The following CADM2 variants were observed in gnomAD, a reference collection of about 807,000 sequenced individuals.
The protein encoded by CADM2 is cell adhesion molecule 2, also known as immunoglobulin superfamily member 4D.
Under a neutral mutation model 49.8 loss-of-function variants are expected in CADM2, and 12 were observed. The ratio of observed to expected loss-of-function variants is 0.24; its 90% CI spans 0.15 to 0.39. CADM2 has a LOEUF of 0.39. Ranked by LOEUF, CADM2 falls within the 10% of genes least tolerant of loss-of-function variation. CADM2 has a pLI of 1.00. For synonymous variants in CADM2, 214 were observed against 175.4 expected, an observed-to-expected ratio of 1.22 and a Z score of -1.74; for missense variants, 378 against 492.3, an observed-to-expected ratio of 0.77 and a Z score of 2.20.
chr3:85,274,937 G>A (rs1343270010), intron 1 of CADM2, among the ~76,000 whole-genome samples: 6 of 151,124 alleles, frequency 4.0e-5, no homozygotes, highest in African/African-American at 9.7e-5. Flanking sequence ...GTGTGTACAC[G>A]AGAGTCAAAG....
At chr3:85,288,376 C>T (rs907004879) in intron 1 of CADM2, among the ~76,000 whole-genome samples, 2 of 151,870 alleles carry the variant, frequency 1.3e-5, no homozygotes, top group Non-Finnish European at 2.9e-5. Context: ...TGTATTATTT[C>T]CATGGATGAT....
intron 1 of CADM2, among the ~76,000 whole-genome samples, chr3:85,391,933 T>G (rs1039208468): frequency 6.6e-6 from 1 of 152,080 alleles, no homozygotes; most frequent in African/African-American, 2.4e-5. Flanking sequence ...ACTGTGAATT[T>G]GAGAAAAGAC....
At chr3:85,222,569 C>A (rs2042066626) in intron 1 of CADM2, among the ~76,000 whole-genome samples, 1 of 152,102 alleles carries the variant, frequency 6.6e-6, no homozygotes. Context: ...TATATTTTCC[C>A]TGATAATCTG....
At chr3:85,852,218 T>C (rs1274694848) in intron 3 of CADM2, among the ~76,000 whole-genome samples, 3 of 152,144 alleles carry the variant, frequency 2.0e-5, no homozygotes, top group Non-Finnish European at 4.4e-5. Flanking sequence ...TCTACACTGC[T>C]TTCTTGGAAA....
chr3:86,017,505 C>T (rs1732434875), intron 8 of CADM2, among the ~76,000 whole-genome samples: 1 of 151,950 alleles, frequency 6.6e-6, no homozygotes, highest in African/African-American at 2.4e-5. Flanking sequence ...CCAAGACCCG[C>T]AGATCGCTTG....
At chr3:85,409,282 C>T (rs1200097394) in intron 1 of CADM2, among the ~76,000 whole-genome samples, 3 of 152,046 alleles carry the variant, frequency 2.0e-5, no homozygotes, top group East Asian at 3.9e-4. Context: ...TACACTAAAT[C>T]CCAAATGCTC....
At chr3:85,446,624 C>T (rs1157122795) in intron 1 of CADM2, among the ~76,000 whole-genome samples, 6 of 116,940 alleles carry the variant, frequency 5.1e-5, no homozygotes, top group South Asian at 2.7e-4. Context: ...TTTTTTGAGA[C>T]GGAGTTTCAT....
intron 5 of CADM2, among the ~76,000 whole-genome samples, chr3:85,893,806 C>G (rs1714814423): frequency 6.6e-6 from 1 of 152,128 alleles, no homozygotes; most frequent in South Asian, 2.1e-4. Context: ...GATACCATCT[C>G]ACACCAGTTA....
chr3:85,176,229 G>T (rs72909103), intron 1 of CADM2, among the ~76,000 whole-genome samples: 27,033 of 151,978 alleles, frequency 0.18, 4,553 homozygotes, highest in African/African-American at 0.45. Context: ...AATAGGCTGC[G>T]CTGTCACTTT....
At chr3:85,207,887 C>T (rs1157368568) in intron 1 of CADM2, among the ~76,000 whole-genome samples, 1 of 152,098 alleles carries the variant, frequency 6.6e-6, no homozygotes, top group African/African-American at 2.4e-5. Flanking sequence ...GAAAGCCCTC[C>T]TGTTTCCTTT....
chr3:85,622,135 C>G (rs1348011585), intron 1 of CADM2, among the ~76,000 whole-genome samples: 1 of 152,126 alleles, frequency 6.6e-6, no homozygotes, highest in Non-Finnish European at 1.5e-5. Context: ...TAGATTCTTA[C>G]AAATACATTG....
chr3:85,105,508 A>G (rs2038182241), intron 1 of CADM2, among the ~76,000 whole-genome samples: 1 of 152,196 alleles, frequency 6.6e-6, no homozygotes, highest in African/African-American at 2.4e-5. Context: ...ACTGTCAACT[A>G]GTTCAACCAT....
chr3:85,892,477 A>T (rs989252770), intron 5 of CADM2, among the ~76,000 whole-genome samples: 3 of 152,256 alleles, frequency 2.0e-5, no homozygotes, highest in Middle Eastern at 3.4e-3. Context: ...AGGTAATTGA[A>T]TCATGGGGGT....
intron 1 of CADM2, among the ~76,000 whole-genome samples, chr3:85,659,290 C>A (rs1184137397): frequency 6.6e-6 from 1 of 151,726 alleles, no homozygotes; most frequent in Non-Finnish European, 1.5e-5. Context: ...TACAGTTTTT[C>A]CCTTTTCTTT....
At chr3:86,026,839 A>T (rs1733960937) in intron 8 of CADM2, among the ~76,000 whole-genome samples, 1 of 152,214 alleles carries the variant, frequency 6.6e-6, no homozygotes, top group Non-Finnish European at 1.5e-5. Context: ...ATACTTCATG[A>T]ATTGGTGTAG....
At chr3:85,254,743 A>G (rs2042847564) in intron 1 of CADM2, among the ~76,000 whole-genome samples, 2 of 152,140 alleles carry the variant, frequency 1.3e-5, no homozygotes, top group Admixed American at 1.3e-4. Flanking sequence ...ATGAAAAGGC[A>G]AGAGGAGGAA....
chr3:85,929,595 C>T (rs1720345776), intron 6 of CADM2, among the ~76,000 whole-genome samples: 1 of 75,022 alleles, frequency 1.3e-5, no homozygotes, highest in African/African-American at 1.4e-4. Context: ...TGCATTGTGC[C>T]AGTCCTGACA....
At chr3:85,525,075 C>T (rs1049612668) in intron 1 of CADM2, among the ~76,000 whole-genome samples, 3 of 151,994 alleles carry the variant, frequency 2.0e-5, no homozygotes, top group East Asian at 1.9e-4. Context: ...CTGATGGGTG[C>T]GGCAAACCAC....
intron 1 of CADM2, among the ~76,000 whole-genome samples, chr3:85,219,208 A>G (rs2041994835): frequency 6.6e-6 from 1 of 152,234 alleles, no homozygotes; most frequent in Non-Finnish European, 1.5e-5. Context: ...ATGTATTTAC[A>G]TGAAGTACAA....
Sources: gnomAD v4.1 joint callset for allele counts (sites outside exome capture counted in the v4.1 genomes callset) on GRCh38, gnomAD v4.1.1 for gene constraint, MANE v1.5 for transcripts, NCBI Gene and HGNC (gene_info 2026-07-23, HGNC 2026-07-21) for gene names.